The following CELF2 variants were observed in gnomAD, a reference collection of about 807,000 sequenced individuals.
CELF2 encodes CUG triplet repeat RNA-binding protein 2.
A neutral mutation model predicts 62.6 loss-of-function variants in CELF2; 8 were observed. The observed-to-expected ratio is 0.13, with a 90% CI of 0.07 to 0.23. The LOEUF is 0.23. Among genes scored for constraint, CELF2 ranks in the 10% least tolerant of loss-of-function variants. The pLI, the probability that CELF2 is intolerant of heterozygous loss-of-function variation, is 1.00. For synonymous variants in CELF2, 258 were observed against 250.0 expected, an observed-to-expected ratio of 1.03 and a Z score of -0.30; for missense variants, 333 against 671.0, an observed-to-expected ratio of 0.50 and a Z score of 5.56.
chr10:10,701,399 G>A, the CELF2 span, among the ~76,000 whole-genome samples: 2 of 152,210 alleles, frequency 1.3e-5, no homozygotes, highest in Non-Finnish European at 2.9e-5. Context: ...TTGTTCACTT[G>A]TCAGAAAGGG....
rs549289901 is a variant in CELF2 at position 10,938,812 on chromosome 10, C to T, written c.89+18813C>T. ...TCAGGCTCGAGCCCGCTGGGGACCCCGTGAAGCACTGCCCCACCGAGGGAC... is the reference window on the plus strand; with the variant it reads ...TCAGGCTCGAGCCCGCTGGGGACCCTGTGAAGCACTGCCCCACCGAGGGAC... On this transcript the variant is annotated intron_variant, in intron 2 of 13. Transcript: ENST00000636488. This position sits in a 1 kb window ranked among gnomAD's most constrained non-coding sequence, Gnocchi z 4.2. 6.6e-6 allele frequency among the ~76,000 whole-genome samples: 1 copy of T among 152,286 alleles called. No individual in the cohort carries two copies. Among genetic ancestry groups the T allele is most frequent in the South Asian group, 2.1e-4 (1 of 4,826 alleles).
chr10:11,155,920 G>A (rs1289126216), intron 1 of CELF2, among the ~76,000 whole-genome samples: 3 of 152,218 alleles, frequency 2.0e-5, no homozygotes, highest in Non-Finnish European at 4.4e-5. Flanking sequence ...AAAGCAGGTT[G>A]AGGAGAGACC....
At chr10:10,597,078 C>G in the CELF2 span, among the ~76,000 whole-genome samples, 1 of 152,222 alleles carries the variant, frequency 6.6e-6, no homozygotes, top group Admixed American at 6.5e-5. Context: ...AGGACACCCT[C>G]TATTCAGATG....
chr10:10,776,963 C>T, the CELF2 span, among the ~76,000 whole-genome samples: 321 of 152,348 alleles, frequency 2.1e-3, 1 homozygote, highest in Admixed American at 3.1e-3. Flanking sequence ...TGCCATTCGG[C>T]CAATCACTCA....
At chr10:11,068,550 A>T (rs924645502) in intron 1 of CELF2, among the ~76,000 whole-genome samples, 1 of 149,988 alleles carries the variant, frequency 6.7e-6, no homozygotes, top group Non-Finnish European at 1.5e-5. Context: ...ACAGAACATT[A>T]TGAGAACATT....
chr10:11,130,765 A>G (rs1390757911), intron 1 of CELF2, among the ~76,000 whole-genome samples: 2 of 152,222 alleles, frequency 1.3e-5, no homozygotes, highest in Non-Finnish European at 2.9e-5. Flanking sequence ...TTATTGAAAC[A>G]TAGTCTGTTA....
intron 1 of CELF2, among the ~76,000 whole-genome samples, chr10:11,018,545 G>C (rs1006353473): frequency 1.3e-5 from 2 of 151,012 alleles, no homozygotes; most frequent in Non-Finnish European, 3.0e-5. Context: ...GGGGCGCGGC[G>C]TCCCGGGGTC....
the CELF2 span, among the ~76,000 whole-genome samples, chr10:10,637,600 C>T: frequency 5.8e-3 from 890 of 152,260 alleles, 2 homozygotes; most frequent in Non-Finnish European, 8.2e-3. Flanking sequence ...CACTTCCATA[C>T]CTCAAAATGG....
the CELF2 span, among the ~76,000 whole-genome samples, chr10:10,565,521 G>T: frequency 6.3e-4 from 96 of 152,322 alleles, no homozygotes; most frequent in African/African-American, 2.1e-3. Context: ...AAGCAGATGT[G>T]TTGGATGAGC....
intron 2 of CELF2, among the ~76,000 whole-genome samples, chr10:10,943,438 TC>T (rs1281539637): frequency 6.6e-6 from 1 of 152,198 alleles, no homozygotes; most frequent in African/African-American, 2.4e-5. Flanking sequence ...TGTGCATATT[TC>T]TTACAAGGAT....
At chr10:10,728,473 A>AAG in the CELF2 span, among the ~76,000 whole-genome samples, 95 of 148,516 alleles carry the variant, frequency 6.4e-4, 1 homozygote, top group East Asian at 6.2e-3. Flanking sequence ...AAAAAAAAAA[A>AAG]AGAGAGAGAA....
chr10:11,189,492 T>A (rs866193117), intron 2 of CELF2, among the ~76,000 whole-genome samples: 1 of 152,056 alleles, frequency 6.6e-6, no homozygotes, highest in Non-Finnish European at 1.5e-5. Context: ...TCACTGAGGG[T>A]TTTTTTCCCC....
Position 11,145,291 on chromosome 10 carries a change from G to A in CELF2, c.75-20195G>A, listed in dbSNP as rs2062058947. 6.6e-6 allele frequency among the ~76,000 whole-genome samples: 1 copy of A among 152,242 alleles called. No individual in the cohort carries two copies. Among genetic ancestry groups the A allele is most frequent in the African/African-American group, 2.4e-5 (1 of 41,454 alleles). ...GAGTCTCAGGCATCTGTGTGGCACA[G>A]ATACTTTTATGTGTTGTTGAAAGAG... On this transcript the variant is annotated intron_variant, in intron 1 of 12. Transcript: ENST00000633077. The surrounding 1 kb of genome is among the most constrained non-coding windows in gnomAD (Gnocchi z 4.3).
intron 5 of CELF2, among the ~76,000 whole-genome samples, chr10:11,261,846 C>G (rs1271681787): frequency 6.6e-6 from 1 of 152,222 alleles, no homozygotes; most frequent in East Asian, 1.9e-4. Flanking sequence ...GGTGTTTGCT[C>G]TCAGAAGCAG....
the CELF2 span, among the ~76,000 whole-genome samples, chr10:10,513,194 C>T: frequency 6.6e-6 from 1 of 152,046 alleles, no homozygotes; most frequent in Non-Finnish European, 1.5e-5. Context: ...GATTTTTGCC[C>T]CTTTTTTGTT....
Position 11,288,514 on chromosome 10 carries a change from C to G in CELF2, c.938C>G (p.Ser313Cys), listed in dbSNP as rs1412138123. ...ACCAGCACCAATGCAAACCCTCTCTCTACCACGAGCAGCGCCCTGGGAGCC... is the reference window on the plus strand; with the variant it reads ...ACCAGCACCAATGCAAACCCTCTCTGTACCACGAGCAGCGCCCTGGGAGCC... ...SATSTNANPL[S>C]TTSSALGALT... Residue 313 changes from serine to cysteine, a missense_variant, in exon 9 of 13, where the codon TCT (serine) becomes TGT (cysteine). Physicochemically the swap from Ser to Cys is moderately radical, Grantham distance 112 (BLOSUM62 -1). Coordinates refer to ENST00000633077, the MANE Select transcript of CELF2 (RefSeq NM_001326342.2). 6 of 1,613,976 alleles carry G rather than the reference C, an allele frequency of 3.7e-6. No homozygotes were observed. Among genetic ancestry groups the G allele is most frequent in the Admixed American group, 1.7e-5 (1 of 60,032 alleles).
chr10:11,210,894 T>G (rs2061626275), intron 2 of CELF2, among the ~76,000 whole-genome samples: 1 of 152,210 alleles, frequency 6.6e-6, no homozygotes, highest in African/African-American at 2.4e-5. Flanking sequence ...CAATACCACA[T>G]GTACCCCATA....
the CELF2 span, among the ~76,000 whole-genome samples, chr10:10,725,210 A>C: frequency 1.3e-5 from 2 of 152,228 alleles, no homozygotes; most frequent in Non-Finnish European, 2.9e-5. Flanking sequence ...TACAAGTTGA[A>C]AAGTGACTCT....
At chr10:10,630,443 T>TC in the CELF2 span, among the ~76,000 whole-genome samples, 4 of 152,152 alleles carry the variant, frequency 2.6e-5, no homozygotes, top group Admixed American at 2.6e-4. Flanking sequence ...ACCACTGGGA[T>TC]CTCTATCTAA....
Sources: allele counts gnomAD v4.1 joint callset (sites outside exome capture counted in the v4.1 genomes callset), GRCh38; gene constraint gnomAD v4.1.1; non-coding constraint Gnocchi (gnomAD v3.1); transcripts MANE v1.5; gene names NCBI Gene and HGNC (gene_info 2026-07-23, HGNC 2026-07-21).